Variants in CASS4 observed in about 807,000 individuals in gnomAD.
CASS4 encodes cas scaffolding protein family member 4.
A neutral mutation model predicts 54.2 loss-of-function variants in CASS4; 22 were observed. That is an observed-to-expected ratio of 0.41 (90% confidence interval 0.29 to 0.58). CASS4 has a LOEUF of 0.58. CASS4 is among the 20% of genes least tolerant of loss of function. The pLI is 0.36. For synonymous variants in CASS4, 409 were observed against 391.5 expected (o/e 1.04, Z -0.53); for missense variants, 854 against 986.7 (o/e 0.87, Z 1.80).
intron 1 of CASS4, among the ~76,000 whole-genome samples, chr20:56,434,523 G>A (rs1031688033): frequency 6.6e-6 from 1 of 152,190 alleles, no homozygotes; most frequent in East Asian, 1.9e-4. Flanking sequence ...TGCAACCTCT[G>A]CCTCCCAGGT....
At chr20:56,422,997 C>T (rs558705635) in intron 1 of CASS4, among the ~76,000 whole-genome samples, 6 of 152,256 alleles carry the variant, frequency 3.9e-5, no homozygotes, top group South Asian at 2.1e-4. Context: ...GGAGAGAATG[C>T]GTTATGTAAC....
chr20:56,445,768 G>A, intron 2 of CASS4, 132 bp from the exon 3 acceptor site: 2 of 625,978 alleles, frequency 3.2e-6, no homozygotes, highest in Admixed American at 2.7e-5. Context: ...GAGCCTGCCA[G>A]CGGGGGTGCC....
rs6024878 is a variant in CASS4, at chr20:56,440,549, A to G, written c.459+2963A>G. ...CTCCCTGCTCATGCCACTCAATACA[A>G]TGACAGGCTCCTACAAGGTACTTAG... On this transcript the variant is annotated intron_variant, in intron 2 of 5. Coordinates refer to ENST00000679887, the MANE Select transcript of CASS4 (RefSeq NM_020356.4). Among the ~76,000 whole-genome samples the G allele has an allele frequency of 8.0e-3, 1,214 of 152,268 alleles. 19 individuals carry two copies. Among genetic ancestry groups the G allele is most frequent in the African/African-American group, 0.028 (1,171 of 41,566 alleles).
Position 56,445,985 on chromosome 20 carries a change from G to T in CASS4, c.545G>T (p.Gly182Val). 1.2e-6 allele frequency: 2 copies of T among 1,613,570 alleles called. No individual in the cohort carries two copies. The highest frequency in any genetic ancestry group is 1.7e-6 in the Non-Finnish European group (2 of 1,179,882). Reference sequence around the variant, plus strand: ...TATGACGTGCCTACCCAGCACCGGGGCCCCGTGGTCCTGAAGGTGAGCCTT... The same window carrying T: ...TATGACGTGCCTACCCAGCACCGGGTCCCCGTGGTCCTGAAGGTGAGCCTT... ...QVYDVPTQHR[G>V]PVVLKEPEKQ... Residue 182 changes from glycine (G) to valine (V), a missense_variant, in exon 3 of 6, where the codon GGC (glycine) becomes GTC (valine). Transcript: ENST00000679887.
intron 1 of CASS4, among the ~76,000 whole-genome samples, chr20:56,425,623 A>C (rs1407555371): frequency 6.6e-6 from 1 of 152,246 alleles, no homozygotes; most frequent in Non-Finnish European, 1.5e-5. Context: ...ATCTAGGAGT[A>C]GAAAGGGCTT....
At position 56,445,652 on chromosome 20, in the gene CASS4, G is replaced by A. The variant is rs1980670240; in HGVS notation, c.460-248G>A. Among the ~76,000 whole-genome samples, 4 of 152,172 alleles carry A rather than the reference G, an allele frequency of 2.6e-5. No individual in the cohort carries two copies. The South Asian group carries it at 8.3e-4, about 31-fold the overall frequency. ...GAATCTTCATGTTAACCTGCTTCAG[G>A]TGAACTTCCCAGGTGAGGCAGGTAA... On this transcript the variant is annotated intron_variant, in intron 2 of 5. Coordinates refer to ENST00000679887, the MANE Select transcript of CASS4 (RefSeq NM_020356.4).
intron 3 of CASS4, among the ~76,000 whole-genome samples, chr20:56,447,903 G>A (rs776675066): frequency 1.3e-5 from 2 of 152,230 alleles, no homozygotes; most frequent in Non-Finnish European, 2.9e-5. Context: ...AGCACTTTGG[G>A]AGGCTGAGGC....
rs916439332 is a variant in CASS4 at position 56,430,087 on chromosome 20, A to G, written c.37-7077A>G. Among the ~76,000 whole-genome samples, 1 of 152,216 alleles carries G rather than the reference A, an allele frequency of 6.6e-6. No individual in the cohort carries two copies. Among genetic ancestry groups the G allele is most frequent in the Non-Finnish European group, 1.5e-5 (1 of 68,038 alleles). On this transcript the variant is annotated intron_variant, in intron 1 of 5. Transcript: ENST00000679887. The surrounding 1 kb of genome is among the most constrained non-coding windows in gnomAD (Gnocchi z 4.2). ...TGGAATACACGTGATGCTCAATACAATCTTGGTGAATGAATGAATGAATGA... is the reference window on the plus strand; with the variant it reads ...TGGAATACACGTGATGCTCAATACAGTCTTGGTGAATGAATGAATGAATGA...
At chr20:56,456,054 G>A (rs1027862748) in intron 5 of CASS4, among the ~76,000 whole-genome samples, 1 of 146,136 alleles carries the variant, frequency 6.8e-6, no homozygotes, top group South Asian at 2.2e-4. Flanking sequence ...TGCAGGTGAC[G>A]TTGATGCTTC....
At chr20:56,418,773 G>A (rs372852099) in intron 1 of CASS4, among the ~76,000 whole-genome samples, 11 of 152,294 alleles carry the variant, frequency 7.2e-5, no homozygotes, top group Non-Finnish European at 1.3e-4. Context: ...TGTGTGTTAC[G>A]TTTGATTCAG....
At chr20:56,432,484 C>A (rs1383525555) in intron 1 of CASS4, among the ~76,000 whole-genome samples, 2 of 150,778 alleles carry the variant, frequency 1.3e-5, no homozygotes, top group Non-Finnish European at 3.0e-5. Context: ...CCACTCACCT[C>A]AGCCTCCCCA....
chr20:56,412,436 G>T lies in CASS4; in HGVS notation c.-23G>T. On this transcript the variant is annotated 5_prime_UTR_variant, in exon 1 of 6. Coordinates refer to ENST00000679887, the MANE Select transcript of CASS4 (RefSeq NM_020356.4). This position sits in a 1 kb window ranked among gnomAD's most constrained non-coding sequence, Gnocchi z 4.2. ...TGGAGATACTAGCTGCAGAGCTCAG[G>T]GGAGCTGCTCCACATCACCGACATG... 2 of 1,611,628 alleles carry T rather than the reference G, an allele frequency of 1.2e-6. No individual in the cohort carries two copies. The highest frequency in any genetic ancestry group is 1.7e-6 in the Non-Finnish European group (2 of 1,178,884).
At chr20:56,440,819 G>C (rs1980418537) in intron 2 of CASS4, among the ~76,000 whole-genome samples, 1 of 152,002 alleles carries the variant, frequency 6.6e-6, no homozygotes, top group African/African-American at 2.4e-5. Context: ...AGGAAATTCA[G>C]GGGGGGTCCC....
At chr20:56,419,392 C>T (rs1201934466) in intron 1 of CASS4, among the ~76,000 whole-genome samples, 5 of 152,142 alleles carry the variant, frequency 3.3e-5, no homozygotes, top group Admixed American at 1.3e-4. Context: ...GAAGAATATG[C>T]GTGGCCTCTT....
In CASS4 at chr20:56,412,354, A is replaced by C. The variant is rs1978914993; in HGVS notation, c.-105A>C. The C allele has an allele frequency of 1.6e-6, 2 of 1,229,844 alleles. No homozygotes were observed. Among genetic ancestry groups the C allele is most frequent in the Admixed American group, 2.0e-5 (1 of 49,486 alleles). 76.2% of individuals were successfully genotyped at this position (1,229,844 alleles called of 1,614,324 possible). A position where few individuals can be genotyped will look rare whatever the true frequency, so the allele number is the denominator to read the frequency against. ...GTTGTCAGATAGCTCCATAGAATTCAGTTTCTGAGAACCAGCCAGAAGCAT... is the reference window on the plus strand; with the variant it reads ...GTTGTCAGATAGCTCCATAGAATTCCGTTTCTGAGAACCAGCCAGAAGCAT... On this transcript the variant is annotated 5_prime_UTR_variant, in exon 1 of 6. Coordinates refer to ENST00000679887, the MANE Select transcript of CASS4 (RefSeq NM_020356.4). The surrounding 1 kb of genome is among the most constrained non-coding windows in gnomAD (Gnocchi z 4.2).
chr20:56,419,137 C>G (rs1054296316), intron 1 of CASS4, among the ~76,000 whole-genome samples: 5 of 151,796 alleles, frequency 3.3e-5, no homozygotes, highest in African/African-American at 1.2e-4. Context: ...TTTGGAATTG[C>G]GATGACTAAG....
In CASS4 at chr20:56,430,936, C is replaced by T. The variant is rs966033996; in HGVS notation, c.37-6228C>T. Among the ~76,000 whole-genome samples, 1 of 152,162 alleles carries T rather than the reference C, an allele frequency of 6.6e-6. No homozygotes were observed. Among genetic ancestry groups the T allele is most frequent in the African/African-American group, 2.4e-5 (1 of 41,432 alleles). The stretch of plus-strand genomic sequence containing the variant: ...GCAAACTGGGAGGCTGATCCTGCCT[C>T]GAAGCCACACTAGGAAGGTGACCTT... On this transcript the variant is annotated intron_variant, in intron 1 of 5. Coordinates refer to ENST00000679887, the MANE Select transcript of CASS4 (RefSeq NM_020356.4). This position sits in a 1 kb window ranked among gnomAD's most constrained non-coding sequence, Gnocchi z 4.2.
chr20:56,426,068 A>C (rs1979623051), intron 1 of CASS4, among the ~76,000 whole-genome samples: 1 of 152,176 alleles, frequency 6.6e-6, no homozygotes, highest in African/African-American at 2.4e-5. Flanking sequence ...CTCTCCCAGG[A>C]GGCACTTTGC....
rs184913136 is a variant in CASS4 at position 56,433,252 on chromosome 20, A to G, written c.37-3912A>G. ...AGAGGGTGTCAGGGACCCTTTTTCTAAGGAAGTGACATTTAAGATAAGCCT... is the reference window on the plus strand; with the variant it reads ...AGAGGGTGTCAGGGACCCTTTTTCTGAGGAAGTGACATTTAAGATAAGCCT... On this transcript the variant is annotated intron_variant, in intron 1 of 5. Transcript: ENST00000679887. Among the ~76,000 whole-genome samples, 3 of 152,276 alleles carry G rather than the reference A, an allele frequency of 2.0e-5. No individual in the cohort carries two copies. In the East Asian group the frequency reaches 5.8e-4, roughly 29 times the overall value.
Sources: allele counts gnomAD v4.1 joint callset (sites outside exome capture counted in the v4.1 genomes callset), GRCh38; gene constraint gnomAD v4.1.1; non-coding constraint Gnocchi (gnomAD v3.1); transcripts MANE v1.5; gene names NCBI Gene and HGNC (gene_info 2026-07-23, HGNC 2026-07-21).